HIF1A: variants seen among roughly 807,000 people sequenced by gnomAD.
HIF1A encodes hypoxia-inducible factor 1-alpha.
In HIF1A, 24 loss-of-function variants were observed where a neutral mutation model predicts 92.7. The observed-to-expected ratio is 0.26, with a 90% CI of 0.19 to 0.36. The LOEUF is 0.36. HIF1A is among the 10% of genes least tolerant of loss of function. HIF1A has a pLI of 1.00. For synonymous variants in HIF1A, 319 were observed against 338.7 expected (o/e 0.94, Z 0.64); for missense variants, 799 against 998.5 (o/e 0.80, Z 2.69).
chr14:61,731,220 G>A (rs989279209), intron 6 of HIF1A, among the ~76,000 whole-genome samples: 3 of 152,030 alleles, frequency 2.0e-5, no homozygotes, highest in African/African-American at 7.2e-5. Flanking sequence ...ACCTCGGTAG[G>A]AAAGTCCTCT....
chr14:61,718,538 G>GT (rs1242613577), intron 1 of HIF1A, among the ~76,000 whole-genome samples: 3 of 151,934 alleles, frequency 2.0e-5, no homozygotes, highest in Non-Finnish European at 4.4e-5. Flanking sequence ...CATCATACTT[G>GT]TTTTTTTATT....
rs760094844 is a variant in HIF1A, at chr14:61,720,363, T to C, written c.36-19T>C. The C allele has an allele frequency of 1.9e-5, 30 of 1,578,736 alleles. No individual in the cohort carries two copies. Among genetic ancestry groups the C allele is most frequent in the Non-Finnish European group, 2.6e-5 (30 of 1,163,618 alleles). ...GTATACACTTTCCATCTCGTGTTTT[T>C]CTTGTTGTTGTTAAGTAGGATAAGT... On this transcript the variant is annotated intron_variant, in intron 1 of 14. Coordinates refer to ENST00000337138, the MANE Select transcript of HIF1A (RefSeq NM_001530.4).
chr14:61,707,501 C>T (rs2044253491), intron 1 of HIF1A, among the ~76,000 whole-genome samples: 1 of 152,092 alleles, frequency 6.6e-6, no homozygotes, highest in Admixed American at 6.5e-5. Flanking sequence ...GTTCCCCTTC[C>T]TGTGTCCATG....
intron 1 of HIF1A, among the ~76,000 whole-genome samples, chr14:61,702,882 T>C (rs1349793271): frequency 3.3e-5 from 5 of 152,250 alleles, no homozygotes; most frequent in Admixed American, 3.3e-4. Context: ...CTGAGTACTG[T>C]TTTTAACCTG....
At chr14:61,744,330 G>T (rs1356723688) in intron 12 of HIF1A, among the ~76,000 whole-genome samples, 1 of 152,058 alleles carries the variant, frequency 6.6e-6, no homozygotes. Flanking sequence ...TTTGAGACCA[G>T]CCTGAGCAAC....
chr14:61,736,739 C>G, intron 8 of HIF1A, 150 bp from the exon 9 acceptor site: 2 of 601,698 alleles, frequency 3.3e-6, no homozygotes, highest in Non-Finnish European at 5.9e-6. Context: ...AAATGTGACA[C>G]AGTACGCATG....
At position 61,707,468 on chromosome 14, in the gene HIF1A, C is replaced by G. The variant is rs183831279; in HGVS notation, c.35+11629C>G. ...CTATCCCTCCCCGCTCCCCCCACCC[C>G]ACAACAGGCCCCGGCGTGTGATGTT... On this transcript the variant is annotated intron_variant, in intron 1 of 14. Transcript: ENST00000337138. Among the ~76,000 whole-genome samples the G allele has an allele frequency of 3.8e-4, 58 of 152,238 alleles. No individual in the cohort carries two copies. In the East Asian group the frequency reaches 8.9e-3, roughly 23 times the overall value.
intron 4 of HIF1A, among the ~76,000 whole-genome samples, chr14:61,722,759 A>T (rs578069974): frequency 6.6e-6 from 1 of 152,346 alleles, no homozygotes; most frequent in South Asian, 2.1e-4. Flanking sequence ...TACATTGTGG[A>T]TGCCCACATA....
At position 61,740,876 on chromosome 14, in the gene HIF1A, G is replaced by A; in HGVS notation, c.1781G>A (p.Ser594Asn). ...AGTTCCGCAAGCCCTGAAAGCGCAA[G>A]TCCTCAAAGCACAGTTACAGTATTC... ...ESSSASPESASPQSTVTVFQQ... is the reference protein window; with the variant it reads ...ESSSASPESANPQSTVTVFQQ... The change falls in exon 12 of 15, where the codon AGT (serine) becomes AAT (asparagine). Residue 594 changes from serine to asparagine, a missense_variant. By Grantham distance (46) the Ser-to-Asn change is conservative (BLOSUM62 1). Around this residue, in one of 2 missense-constraint regions of HIF1A, gnomAD observed 283 missense variants for 277.5 expected, o/e 1.02. Transcript: ENST00000337138. 6.2e-7 allele frequency: 1 copy of A among 1,614,158 alleles called. No individual in the cohort carries two copies. The highest frequency in any genetic ancestry group is 8.5e-7 in the Non-Finnish European group (1 of 1,180,036).
chr14:61,707,756 A>G (rs1197161660), intron 1 of HIF1A, among the ~76,000 whole-genome samples: 1 of 150,896 alleles, frequency 6.6e-6, no homozygotes, highest in East Asian at 1.9e-4. Context: ...GAATAGTGCC[A>G]CAATAAACAT....
At chr14:61,696,993 C>G (rs1394125244) in intron 1 of HIF1A, among the ~76,000 whole-genome samples, 1 of 152,174 alleles carries the variant, frequency 6.6e-6, no homozygotes, top group Admixed American at 6.5e-5. Flanking sequence ...CAATTTTGCC[C>G]ACTTTGGCAT....
intron 2 of HIF1A, 33 bp from the exon 3 acceptor site, chr14:61,721,472 TTAAC>T (rs772590087): frequency 4.5e-6 from 7 of 1,561,424 alleles, no homozygotes; most frequent in African/African-American, 1.4e-5. Context: ...GTACAACTTT[TTAAC>T]TAATTATTTT....
At chr14:61,727,365 G>A in intron 5 of HIF1A, 88 bp from the exon 6 acceptor site, 1 of 909,240 alleles carries the variant, frequency 1.1e-6, no homozygotes, top group South Asian at 1.4e-5. Context: ...AAGCTTACTG[G>A]CCATGTCAGA....
rs2044510985 is a variant in HIF1A at position 61,726,820 on chromosome 14, T to C, written c.570+2T>C. 1 of 1,511,714 alleles carries C rather than the reference T, an allele frequency of 6.6e-7. No individual in the cohort carries two copies. The highest frequency in any genetic ancestry group is 1.4e-5 in the African/African-American group (1 of 72,274). The allele number at this position is 1,511,714 out of a possible 1,614,324, so 93.6% of individuals were successfully genotyped here. On this transcript the variant is annotated splice_donor_variant, in intron 5 of 14. Transcript: ENST00000337138. LOFTEE classifies it high-confidence loss of function. Reference sequence around the variant, plus strand: ...AACATAAAGTCTGCAACATGGAAGGTAAGTGAAAATTATTTGTGATTGATT... The same window carrying C: ...AACATAAAGTCTGCAACATGGAAGGCAAGTGAAAATTATTTGTGATTGATT...
intron 4 of HIF1A, among the ~76,000 whole-genome samples, chr14:61,723,219 C>A (rs1275401419): frequency 1.3e-5 from 2 of 152,256 alleles, no homozygotes; most frequent in East Asian, 3.9e-4. Context: ...TAGCTAACCT[C>A]CATTGAGAGA....
chr14:61,741,340 CTCATA>C, intron 12 of HIF1A, 152 bp downstream of exon 12: 1 of 551,744 alleles, frequency 1.8e-6, no homozygotes, highest in Non-Finnish European at 3.1e-6. Context: ...CTAAATTAAC[CTCATA>C]TATTTTTTCT....
chr14:61,703,639 A>G (rs1241357014), intron 1 of HIF1A, among the ~76,000 whole-genome samples: 3 of 152,096 alleles, frequency 2.0e-5, no homozygotes, highest in Non-Finnish European at 2.9e-5. Context: ...AAAAAAGTAA[A>G]AAAAACTCCC....
chr14:61,709,140 G>A (rs1351619208), intron 1 of HIF1A, among the ~76,000 whole-genome samples: 3 of 151,930 alleles, frequency 2.0e-5, no homozygotes, highest in Non-Finnish European at 4.4e-5. Context: ...CAGGTGATCC[G>A]CCCACCTCAG....
At chr14:61,707,996 A>T (rs528408428) in intron 1 of HIF1A, among the ~76,000 whole-genome samples, 2,071 of 151,580 alleles carry the variant, frequency 0.014, 41 homozygotes, top group African/African-American at 0.047. Flanking sequence ...AATGATCGCC[A>T]TTCTAACTGG....
Sources: allele counts gnomAD v4.1 joint callset (sites outside exome capture counted in the v4.1 genomes callset), GRCh38; gene constraint gnomAD v4.1.1; regional missense constraint gnomAD v4.1.1; transcripts MANE v1.5; gene names NCBI Gene and HGNC (gene_info 2026-07-23, HGNC 2026-07-21).